SEMA6D: variants seen among roughly 807,000 people sequenced by gnomAD.
SEMA6D encodes semaphorin 6D.
A neutral mutation model predicts 106.6 loss-of-function variants in SEMA6D; 35 were observed. That is an observed-to-expected ratio of 0.33 (90% CI 0.25 to 0.44). The LOEUF (loss-of-function observed/expected upper bound fraction) is 0.44, where lower values mean the gene tolerates loss of function less well. SEMA6D is among the 20% of genes least tolerant of loss of function. The pLI is 1.00. For missense variants in SEMA6D, 1,185 were observed against 1,345.9 expected (o/e 0.88, Z 1.87); for synonymous variants, 499 against 487.7 (o/e 1.02, Z -0.31).
chr15:47,487,004 C>A (rs571031438), intron 3 of SEMA6D, among the ~76,000 whole-genome samples: 1 of 152,144 alleles, frequency 6.6e-6, no homozygotes, highest in Non-Finnish European at 1.5e-5. Context: ...TTTATACTGT[C>A]GTCTTTGCCC....
At chr15:47,261,103 G>A (rs749528050) in intron 1 of SEMA6D, among the ~76,000 whole-genome samples, 184 of 152,296 alleles carry the variant, frequency 1.2e-3, no homozygotes, top group Non-Finnish European at 2.6e-4. Context: ...GGAACAGGGA[G>A]AAATAAGTCT....
At chr15:47,766,468 T>C in intron 15 of SEMA6D, 148 bp from the exon 16 acceptor site, 1 of 702,058 alleles carries the variant, frequency 1.4e-6, no homozygotes, top group Non-Finnish European at 2.4e-6. Context: ...ATAGTCATTT[T>C]AGCAAGTTAT....
At position 47,762,309 on chromosome 15, in the gene SEMA6D, A is replaced by G. The variant is rs2082100810; in HGVS notation, c.648A>G (p.Lys216=). Residue 216 remains lysine (K), a synonymous_variant, in exon 8 of 19, where the codon AAA becomes AAG. Transcript: ENST00000536845. ...SALRTIKYDS[K]WIKEPHFLHA... ...TTCGCACAATAAAATATGATTCCAA[A>G]TGGATAAAAGGTACCTTTGAAGAGC... is the stretch of plus-strand genomic sequence containing the variant. 2 of 1,613,446 alleles carry G rather than the reference A, an allele frequency of 1.2e-6. No homozygotes were observed. The highest frequency in any genetic ancestry group is 1.7e-6 in the Non-Finnish European group (2 of 1,179,536).
At chr15:47,642,199 T>A (rs1268374951) in intron 4 of SEMA6D, among the ~76,000 whole-genome samples, 5 of 152,204 alleles carry the variant, frequency 3.3e-5, no homozygotes, top group African/African-American at 4.8e-5. Flanking sequence ...CCTGTTAAAG[T>A]GGATTCTGAA....
At chr15:47,741,230 T>A (rs1233842871) in intron 1 of SEMA6D, among the ~76,000 whole-genome samples, 1 of 152,190 alleles carries the variant, frequency 6.6e-6, no homozygotes, top group Non-Finnish European at 1.5e-5. Context: ...CATTATTTAA[T>A]TTTGTGACCA....
chr15:47,727,330 A>G (rs1484732037), intron 1 of SEMA6D, among the ~76,000 whole-genome samples: 4 of 152,218 alleles, frequency 2.6e-5, no homozygotes, highest in Non-Finnish European at 5.9e-5. Context: ...GTCTGGAATG[A>G]AGCCCAGTAG....
At chr15:47,424,191 C>T (rs1045190658) in intron 2 of SEMA6D, among the ~76,000 whole-genome samples, 2 of 151,976 alleles carry the variant, frequency 1.3e-5, no homozygotes, top group African/African-American at 2.4e-5. Flanking sequence ...AAAGTGCACT[C>T]GAAACATCCT....
At chr15:47,725,265 A>G (rs1433407544) in intron 1 of SEMA6D, among the ~76,000 whole-genome samples, 3 of 152,194 alleles carry the variant, frequency 2.0e-5, no homozygotes, top group African/African-American at 7.2e-5. Flanking sequence ...AGTGACACAT[A>G]GTAGATATGC....
At chr15:47,602,518 T>C (rs1238143003) in intron 4 of SEMA6D, among the ~76,000 whole-genome samples, 1 of 151,766 alleles carries the variant, frequency 6.6e-6, no homozygotes, top group Non-Finnish European at 1.5e-5. Flanking sequence ...TGGGGAGAGA[T>C]TGGATACAGG....
At chr15:47,243,431 A>G (rs1474004166) in intron 1 of SEMA6D, among the ~76,000 whole-genome samples, 3 of 151,970 alleles carry the variant, frequency 2.0e-5, no homozygotes, top group Non-Finnish European at 4.4e-5. Flanking sequence ...AAATTGAAAA[A>G]AAAAAAGGCT....
intron 1 of SEMA6D, among the ~76,000 whole-genome samples, chr15:47,330,178 C>T (rs964016355): frequency 3.9e-5 from 6 of 152,040 alleles, no homozygotes; most frequent in Non-Finnish European, 5.9e-5. Context: ...TTTTTTCTCT[C>T]TTGGTCTTGC....
At chr15:47,663,995 T>C (rs1449256047) in intron 4 of SEMA6D, among the ~76,000 whole-genome samples, 3 of 152,202 alleles carry the variant, frequency 2.0e-5, no homozygotes, top group South Asian at 2.1e-4. Context: ...CATCGAACTT[T>C]TTCATTTTGA....
intron 4 of SEMA6D, among the ~76,000 whole-genome samples, chr15:47,624,140 CT>C (rs1228154518): frequency 6.6e-6 from 1 of 152,170 alleles, no homozygotes; most frequent in Non-Finnish European, 1.5e-5. Context: ...CACCTATTGT[CT>C]AGAACGTTCT....
At chr15:47,677,198 C>G (rs12102263) in intron 4 of SEMA6D, among the ~76,000 whole-genome samples, 13,072 of 152,090 alleles carry the variant, frequency 0.086, 1,890 homozygotes, top group African/African-American at 0.3. Flanking sequence ...TTGGGGACCC[C>G]TGTTGTAAAG....
At chr15:47,220,668 C>G (rs909164108) in intron 1 of SEMA6D, among the ~76,000 whole-genome samples, 2 of 152,164 alleles carry the variant, frequency 1.3e-5, no homozygotes, top group African/African-American at 4.8e-5. Context: ...CGTGTTTATT[C>G]TCAACTCTCA....
intron 4 of SEMA6D, among the ~76,000 whole-genome samples, chr15:47,711,000 A>G (rs549916150): frequency 6.6e-6 from 1 of 152,304 alleles, no homozygotes; most frequent in South Asian, 2.1e-4. Context: ...TACTGATAAG[A>G]AAGTTTGTTG....
At chr15:47,463,354 G>A (rs900092160) in intron 2 of SEMA6D, among the ~76,000 whole-genome samples, 3 of 152,130 alleles carry the variant, frequency 2.0e-5, no homozygotes, top group African/African-American at 7.2e-5. Flanking sequence ...TAAATCCTTT[G>A]CTGATCATCT....
intron 1 of SEMA6D, among the ~76,000 whole-genome samples, chr15:47,297,839 T>G (rs1185573142): frequency 6.6e-6 from 1 of 151,736 alleles, no homozygotes. Flanking sequence ...GATGGGGCAA[T>G]GGGGTGATAG....
intron 1 of SEMA6D, among the ~76,000 whole-genome samples, chr15:47,199,792 A>T (rs1296522834): frequency 6.6e-6 from 1 of 151,906 alleles, no homozygotes; most frequent in Non-Finnish European, 1.5e-5. Context: ...TATTTTGTGT[A>T]TATGTGTGTG....
Sources: gnomAD v4.1 joint callset for allele counts (sites outside exome capture counted in the v4.1 genomes callset) on GRCh38, gnomAD v4.1.1 for gene constraint, MANE v1.5 for transcripts, NCBI Gene and HGNC (gene_info 2026-07-23, HGNC 2026-07-21) for gene names.